NDST1: variants seen among roughly 807,000 people sequenced by gnomAD.
NDST1 encodes N-deacetylase and N-sulfotransferase 1.
A neutral mutation model predicts 92.8 loss-of-function variants in NDST1; 35 were observed. The ratio of observed to expected loss-of-function variants is 0.38; its 90% CI spans 0.29 to 0.50. The LOEUF (loss-of-function observed/expected upper bound fraction) is 0.50, where lower values mean the gene tolerates loss of function less well. Ranked by LOEUF, NDST1 falls within the 20% of genes least tolerant of loss-of-function variation. The pLI is 0.94. For missense variants in NDST1, 822 were observed against 1,182.7 expected (o/e 0.69, Z 4.47); for synonymous variants, 493 against 500.3 (o/e 0.99, Z 0.19).
chr5:150,537,114 TCTTTA>T (rs1239242791), intron 6 of NDST1, among the ~76,000 whole-genome samples: 2 of 152,386 alleles, frequency 1.3e-5, no homozygotes, highest in East Asian at 1.9e-4. Flanking sequence ...CCTATGCCTG[TCTTTA>T]CTTTAATCTC....
chr5:150,545,182 T>A (rs1420152172), intron 10 of NDST1, 130 bp from the exon 11 acceptor site: 4 of 1,065,934 alleles, frequency 3.8e-6, no homozygotes, highest in Non-Finnish European at 4.3e-6. Flanking sequence ...AGTCCTTGTT[T>A]GGTTGGGAGC....
intron 5 of NDST1, chr5:150,535,413 T>C: frequency 1.0e-6 from 1 of 983,842 alleles, no homozygotes; most frequent in Non-Finnish European, 1.2e-6. Flanking sequence ...CCCTCGTCCT[T>C]GTCCCTCACT....
chr5:150,543,100 C>A, intron 10 of NDST1, 129 bp downstream of exon 10: 1 of 1,242,336 alleles, frequency 8.0e-7, no homozygotes, highest in Non-Finnish European at 1.2e-6. Flanking sequence ...TAAACAGGGA[C>A]AAAGTGCAGT....
At chr5:150,503,138 G>A (rs1336378492), upstream of NDST1, among the ~76,000 whole-genome samples, 7 of 152,130 alleles carry the variant, frequency 4.6e-5, no homozygotes, top group Non-Finnish European at 7.4e-5. Flanking sequence ...GGTTGAATGA[G>A]GAAATGTCCA....
intron 2 of NDST1, among the ~76,000 whole-genome samples, chr5:150,526,463 A>T (rs1754482976): frequency 6.6e-6 from 1 of 152,194 alleles, no homozygotes; most frequent in Non-Finnish European, 1.5e-5. Context: ...CAGGTACTAG[A>T]GAGCTGGCTG....
chr5:150,512,295 G>A (rs1327475877), intron 1 of NDST1, among the ~76,000 whole-genome samples: 1 of 152,186 alleles, frequency 6.6e-6, no homozygotes, highest in Non-Finnish European at 1.5e-5. Flanking sequence ...GCATTGTCAA[G>A]AGTGACCTAG....
chr5:150,521,527 C>T lies in NDST1; in HGVS notation c.273C>T (p.Ser91=), dbSNP rs1754238355. 5 of 1,614,018 alleles carry T rather than the reference C, an allele frequency of 3.1e-6. No individual in the cohort carries two copies. Among genetic ancestry groups the T allele is most frequent in the Non-Finnish European group, 4.2e-6 (5 of 1,180,026 alleles). Residue 91 remains serine, a synonymous_variant, in exon 2 of 15, where the codon AGC becomes AGT. Coordinates refer to ENST00000261797, the MANE Select transcript of NDST1 (RefSeq NM_001543.5). The surrounding 1 kb of genome is among the most constrained non-coding windows in gnomAD (Gnocchi z 5.9). ...TDPLVLVFVE[S]LYSQLGQEVV... ...CGTTGGTGCTGGTCTTTGTGGAGAG[C>T]CTCTACTCGCAACTGGGCCAGGAGG...
chr5:150,539,770 T>G (rs1307916452), intron 7 of NDST1: 3 of 985,284 alleles, frequency 3.0e-6, no homozygotes, highest in Non-Finnish European at 3.6e-6. Flanking sequence ...TGGTTGTTAT[T>G]CAGCTCTGTG....
chr5:150,545,991 C>CTTTTTTT (rs34937690), intron 11 of NDST1, among the ~76,000 whole-genome samples: 1 of 83,690 alleles, frequency 1.2e-5, no homozygotes, highest in African/African-American at 4.6e-5. Flanking sequence ...CCAGAGCTGT[C>CTTTTTTT]TTTTTTTTTT....
chr5:150,525,017 A>G (rs983165595), intron 2 of NDST1, among the ~76,000 whole-genome samples: 2 of 152,316 alleles, frequency 1.3e-5, no homozygotes, highest in African/African-American at 2.4e-5. Context: ...TAGGATTCCC[A>G]AGGTCCCCCA....
chr5:150,530,556 AATTTTTTTTTT>A (rs1242615867), intron 3 of NDST1, among the ~76,000 whole-genome samples: 1 of 126,498 alleles, frequency 7.9e-6, no homozygotes, highest in Non-Finnish European at 1.7e-5. Flanking sequence ...CCGTATTTTA[AATTTTTTTTTT>A]TTTTTTTTTT....
chr5:150,557,107 T>C lies in NDST1; in HGVS notation c.*3775T>C, dbSNP rs1755885897. 6.6e-6 allele frequency: 1 copy of C among 152,622 alleles called. No homozygotes were observed. The highest frequency in any genetic ancestry group is 2.4e-5 in the African/African-American group (1 of 41,462). 9.5% of individuals were successfully genotyped at this position (152,622 alleles called of 1,614,324 possible). A position where few individuals can be genotyped will look rare whatever the true frequency, so the allele number is the denominator to read the frequency against. ...TGTGCTGACTTGACAGCTTCACTTCTGCCTAAGATGCGCCTCCACTGTCAC... is the reference window on the plus strand; with the variant it reads ...TGTGCTGACTTGACAGCTTCACTTCCGCCTAAGATGCGCCTCCACTGTCAC... On this transcript the variant is annotated 3_prime_UTR_variant, in exon 15 of 15. Coordinates refer to ENST00000261797, the MANE Select transcript of NDST1 (RefSeq NM_001543.5). The surrounding 1 kb of genome is among the most constrained non-coding windows in gnomAD (Gnocchi z 4.7).
At chr5:150,534,072 G>A (rs1386040525) in intron 4 of NDST1, among the ~76,000 whole-genome samples, 1 of 150,500 alleles carries the variant, frequency 6.6e-6, no homozygotes, top group Non-Finnish European at 1.5e-5. Flanking sequence ...GACAGAGTAA[G>A]ACTCCATCTC....
rs541718838 is a variant in NDST1 at position 150,521,069 on chromosome 5, C to T, written c.-186C>T. 5.9e-5 allele frequency: 36 copies of T among 613,220 alleles called. No homozygotes were observed. The Middle Eastern group carries it at 2.2e-3, about 37-fold the overall frequency. The allele number at this position is 613,220 out of a possible 1,614,324, so 38.0% of individuals were successfully genotyped here. On this transcript the variant is annotated 5_prime_UTR_variant, in exon 2 of 15. Coordinates refer to ENST00000261797, the MANE Select transcript of NDST1 (RefSeq NM_001543.5). This position sits in a 1 kb window ranked among gnomAD's most constrained non-coding sequence, Gnocchi z 5.9. ...AGGAGCGTGACCAGCCTGTGGACTG[C>T]GCCCCTGGCTGGGAGGAAGGACTGG...
rs1390310590 is a variant in NDST1 at position 150,521,290 on chromosome 5, G to C, written c.36G>C (p.Arg12=). Residue 12 remains arginine (R), a synonymous_variant, in exon 2 of 15, where the codon CGG becomes CGC. Transcript: ENST00000261797. This position sits in a 1 kb window ranked among gnomAD's most constrained non-coding sequence, Gnocchi z 5.9. The part of the protein sequence containing the change: ...PALACLRRLC[R]HVSPQAVLFL... The stretch of plus-strand genomic sequence containing the variant: ...TGGCATGCCTCCGGAGGCTGTGTCG[G>C]CACGTGTCCCCGCAGGCTGTCCTTT... The C allele has an allele frequency of 1.9e-6, 3 of 1,611,964 alleles. No individual in the cohort carries two copies. The African/African-American group carries it at 4.0e-5, about 22-fold the overall frequency.
At chr5:150,539,437 G>T in intron 7 of NDST1, 81 bp downstream of exon 7, 1 of 1,608,048 alleles carries the variant, frequency 6.2e-7, no homozygotes. Flanking sequence ...GCTTCCTGGA[G>T]CCAGGAAAGG....
chr5:150,545,713 G>A (rs951397690), intron 11 of NDST1, among the ~76,000 whole-genome samples: 6 of 152,344 alleles, frequency 3.9e-5, no homozygotes, highest in South Asian at 2.1e-4. Context: ...AGTGTCATGC[G>A]GGGTCCTGCC....
intron 8 of NDST1, among the ~76,000 whole-genome samples, 173 bp from the exon 9 acceptor site, chr5:150,541,397 A>T (rs903153314): frequency 6.6e-6 from 1 of 152,154 alleles, no homozygotes; most frequent in Non-Finnish European, 1.5e-5. Context: ...ACTGACCAGA[A>T]GTGGAGCCTG....
At chr5:150,551,156 C>G (rs1314793489) in intron 13 of NDST1, among the ~76,000 whole-genome samples, 3 of 152,196 alleles carry the variant, frequency 2.0e-5, no homozygotes, top group African/African-American at 4.8e-5. Context: ...CTTCCCATAA[C>G]AGCTTCGGAT....
Sources: allele counts gnomAD v4.1 joint callset (sites outside exome capture counted in the v4.1 genomes callset), GRCh38; gene constraint gnomAD v4.1.1; non-coding constraint Gnocchi (gnomAD v3.1); transcripts MANE v1.5; gene names NCBI Gene and HGNC (gene_info 2026-07-23, HGNC 2026-07-21).